The following SLC26A6 variants were observed in gnomAD, a reference collection of about 807,000 sequenced individuals.
The protein encoded by SLC26A6 is anion exchange transporter.
SLC26A6 carries 67 observed loss-of-function variants against 87.1 expected under a neutral mutation model. The observed-to-expected ratio is 0.77, with a 90% CI of 0.63 to 0.94. The LOEUF is 0.94. Among genes scored for constraint, SLC26A6 ranks in the 40% least tolerant of loss-of-function variants. The pLI, the probability that SLC26A6 is intolerant of heterozygous loss-of-function variation, is 0.00. For synonymous variants in SLC26A6, 414 were observed against 405.9 expected, an observed-to-expected ratio of 1.02 and a Z score of -0.24; for missense variants, 902 against 973.0, an observed-to-expected ratio of 0.93 and a Z score of 0.97.
In SLC26A6 at chr3:48,627,932, A is replaced by G. The variant is rs1370925690; in HGVS notation, c.1893+14T>C. ...GCTCACAGCTGTCACCTCCTTTCCC[A>G]CCTCCAGTCTCACCATCATCTTGCA... On this transcript the variant is annotated intron_variant, in intron 17 of 20. Transcript: ENST00000395550. 1.3e-6 allele frequency: 2 copies of G among 1,577,330 alleles called. No individual in the cohort carries two copies. The highest frequency in any genetic ancestry group is 2.4e-5 in the East Asian group (1 of 42,378).
rs2046700942 is a variant in SLC26A6, at chr3:48,628,878, A to C, written c.1600-164T>G. Among the ~76,000 whole-genome samples, 1 of 152,050 alleles carries C rather than the reference A, an allele frequency of 6.6e-6. No homozygotes were observed. The highest frequency in any genetic ancestry group is 2.4e-5 in the African/African-American group (1 of 41,390). On this transcript the variant is annotated intron_variant, in intron 14 of 20. Transcript: ENST00000395550. This position sits in a 1 kb window ranked among gnomAD's most constrained non-coding sequence, Gnocchi z 4.4. ...CCCAGGGGCTTAGGCCACAAGCCCGACGGTGTCATCCCCATCCCCCCACAG... is the reference window on the plus strand; with the variant it reads ...CCCAGGGGCTTAGGCCACAAGCCCGCCGGTGTCATCCCCATCCCCCCACAG...
In SLC26A6 at chr3:48,628,745, A is replaced by C. The variant is rs773717346; in HGVS notation, c.1600-31T>G. On this transcript the variant is annotated intron_variant, in intron 14 of 20. Transcript: ENST00000395550. The surrounding 1 kb of genome is among the most constrained non-coding windows in gnomAD (Gnocchi z 4.4). ...GATGAGGCAGAACTGGTGGTGGCTG[A>C]ATCTCCTCTCTCCTGGCTGCATCCT... The C allele has an allele frequency of 1.2e-6, 2 of 1,605,814 alleles. No homozygotes were observed.
rs1392537945 is a variant in SLC26A6, at chr3:48,631,254, T to A, written c.956A>T (p.Glu319Val). ...AGGGATGTTGCCCACGACATCTACCTCAAATCTGTGCTTTAGACCCATGCC... is the reference window on the plus strand; with the variant it reads ...AGGGATGTTGCCCACGACATCTACCACAAATCTGTGCTTTAGACCCATGCC... The part of the protein sequence containing the change: ...SYGMGLKHRF[E>V]VDVVGNIPAG... The change falls in exon 8 of 21, where the codon GAG becomes GTG. Residue 319 changes from glutamate to valine, a missense_variant. This residue lies in a region of SLC26A6 where 800 missense variants were observed against 856.8 expected (regional missense o/e 0.93). Coordinates refer to ENST00000395550, the MANE Select transcript of SLC26A6 (RefSeq NM_022911.3). 1 of 1,610,398 alleles carries A rather than the reference T, an allele frequency of 6.2e-7. No individual in the cohort carries two copies. The highest frequency in any genetic ancestry group is 1.3e-5 in the African/African-American group (1 of 74,966).
In SLC26A6 at chr3:48,635,453, C is replaced by T. The variant is rs1022826474; in HGVS notation, c.-60G>A. The T allele has an allele frequency of 2.6e-6, 4 of 1,546,898 alleles. No individual in the cohort carries two copies. Among genetic ancestry groups the T allele is most frequent in the Admixed American group, 3.9e-5 (2 of 51,614 alleles). On this transcript the variant is annotated 5_prime_UTR_variant, in exon 1 of 21. Transcript: ENST00000395550. ...TGCTCGAGCTAGAGGCCGCTACGCT[C>T]CGGAAGGCGGCGCCGGGACCGGGTG... is the stretch of plus-strand genomic sequence containing the variant.
Position 48,628,485 on chromosome 3 carries a change from C to G in SLC26A6, c.1749G>C (p.Gln583His). ...ISQKKKLLKK[Q>H]EQLKLKQLQK... ...GCAGTTGCTTCAGCTTCAGCTGCTCCTGCTTCTTGAGCAGTTTCTTCTTCT... is the reference window on the plus strand; with the variant it reads ...GCAGTTGCTTCAGCTTCAGCTGCTCGTGCTTCTTGAGCAGTTTCTTCTTCT... The change falls in exon 16 of 21, where the codon CAG becomes CAC. Residue 583 changes from glutamine to histidine, a missense_variant. By Grantham distance (24) the Gln-to-His change is conservative. This residue lies in a region of SLC26A6 where 800 missense variants were observed against 856.8 expected (regional missense o/e 0.93). Transcript: ENST00000395550. The surrounding 1 kb of genome is among the most constrained non-coding windows in gnomAD (Gnocchi z 4.4). 1.2e-6 allele frequency: 2 copies of G among 1,614,134 alleles called. No individual in the cohort carries two copies. The highest frequency in any genetic ancestry group is 3.3e-4 in the Middle Eastern group (2 of 6,058).
At chr3:48,632,518 G>A (rs2046834638) in intron 4 of SLC26A6, 122 bp from the exon 5 acceptor site, 1 of 1,354,738 alleles carries the variant, frequency 7.4e-7, no homozygotes, top group South Asian at 1.3e-5. Context: ...GATTATGGCT[G>A]CATGAACAGG....
chr3:48,629,646 G>A lies in SLC26A6; in HGVS notation c.1595C>T (p.Ser532Leu), dbSNP rs777702618. 2.2e-5 allele frequency: 36 copies of A among 1,611,540 alleles called. No individual in the cohort carries two copies. The African/African-American group carries it at 3.2e-4, about 14-fold the overall frequency. ...CACTCAGCCCCTGACACTCACCTCT[G>A]AGTACTCTGCCACATCTCTGTAAAT... The part of the protein sequence containing the change: ...TDIYRDVAEY[S>L]EAKEVRGVKV... Residue 532 changes from serine to leucine, a missense_variant, in exon 14 of 21, where the codon TCA (serine) becomes TTA (leucine). By Grantham distance (145) the Ser-to-Leu change is moderately radical. This residue lies in a region of SLC26A6 where 800 missense variants were observed against 856.8 expected (regional missense o/e 0.93). Transcript: ENST00000395550.
At position 48,631,958 on chromosome 3, in the gene SLC26A6, C is replaced by T; in HGVS notation, c.672G>A (p.Val224=). The change falls in exon 6 of 21, where the codon GTG becomes GTA. Residue 224 remains valine, a synonymous_variant. Transcript: ENST00000395550. ...LVRGYTTAAA[V]QVFVSQLKYV... Reference sequence around the variant, plus strand: ...ACTTGAGCTGTGAGACGAAGACCTGCACAGCTGCAGCTGTGGTATAGCCTC... The same window carrying T: ...ACTTGAGCTGTGAGACGAAGACCTGTACAGCTGCAGCTGTGGTATAGCCTC... 1 of 1,613,556 alleles carries T rather than the reference C, an allele frequency of 6.2e-7. No homozygotes were observed. Among genetic ancestry groups the T allele is most frequent in the Non-Finnish European group, 8.5e-7 (1 of 1,180,034 alleles).
intron 20 of SLC26A6, 26 bp downstream of exon 20, chr3:48,626,192 G>A (rs751166660): frequency 5.0e-6 from 8 of 1,613,784 alleles, no homozygotes; most frequent in East Asian, 2.2e-5. Context: ...ACAAAAAAGA[G>A]CTTGGCAGGC....
At position 48,628,517 on chromosome 3, in the gene SLC26A6, T is replaced by G. The variant is rs1428319586; in HGVS notation, c.1717A>C (p.Ile573Leu). ...QRCGVDVDFLISQKKKLLKKQ... is the reference protein window; with the variant it reads ...QRCGVDVDFLLSQKKKLLKKQ... Reference sequence around the variant, plus strand: ...TTGAGCAGTTTCTTCTTCTGGGAGATGAGGAAGTCGACATCCACACCACAC... The same window carrying G: ...TTGAGCAGTTTCTTCTTCTGGGAGAGGAGGAAGTCGACATCCACACCACAC... Residue 573 changes from isoleucine (I) to leucine (L), a missense_variant, in exon 16 of 21, where the codon ATC (isoleucine) becomes CTC (leucine). Transcript: ENST00000395550. This position sits in a 1 kb window ranked among gnomAD's most constrained non-coding sequence, Gnocchi z 4.4. 1 of 1,613,868 alleles carries G rather than the reference T, an allele frequency of 6.2e-7. No individual in the cohort carries two copies. The highest frequency in any genetic ancestry group is 1.1e-5 in the South Asian group (1 of 91,064).
Position 48,633,633 on chromosome 3 carries a change from G to C in SLC26A6, c.26C>G (p.Pro9Arg). 6.2e-7 allele frequency: 1 copy of C among 1,613,236 alleles called. No individual in the cohort carries two copies. Among genetic ancestry groups the C allele is most frequent in the East Asian group, 2.2e-5 (1 of 44,888 alleles). Reference protein sequence around the residue: MGLADASGPRDTQALLSAT... With the variant: MGLADASGRRDTQALLSAT... ...AGACAGCAGTGCCTGTGTGTCCCTCGGTCTGGGGTGGCAAGACCAGAGAGA... is the reference window on the plus strand; with the variant it reads ...AGACAGCAGTGCCTGTGTGTCCCTCCGTCTGGGGTGGCAAGACCAGAGAGA... The change falls in exon 2 of 21, where the codon CCG becomes CGG. Residue 9 changes from proline to arginine, a missense_variant and splice_region_variant. Transcript: ENST00000395550.
rs569358095 is a variant in SLC26A6, at chr3:48,635,235, C to T, written c.23+136G>A. On this transcript the variant is annotated intron_variant, in intron 1 of 20. Coordinates refer to ENST00000395550, the MANE Select transcript of SLC26A6 (RefSeq NM_022911.3). Reference sequence around the variant, plus strand: ...ACCCCTTGCTGCAGAGGGGCAGCCGCCTGCAGAAAATCAGCAGAGGTAAAC... The same window carrying T: ...ACCCCTTGCTGCAGAGGGGCAGCCGTCTGCAGAAAATCAGCAGAGGTAAAC... 131 of 1,228,030 alleles carry T rather than the reference C, an allele frequency of 1.1e-4. 2 individuals are homozygous for T. The South Asian group carries it at 1.7e-3, about 16-fold the overall frequency. 76.1% of individuals were successfully genotyped at this position (1,228,030 alleles called of 1,614,324 possible).
In SLC26A6 at chr3:48,629,698, C is replaced by T; in HGVS notation, c.1543G>A (p.Val515Ile). ...VVRTQMPHYS[V>I]LGQVPDTDIY... Reference sequence around the variant, plus strand: ...TCCGTGTCTGGCACCTGCCCCAGGACAGAGTAGTGGGGCCTGTGAAGGAGA... The same window carrying T: ...TCCGTGTCTGGCACCTGCCCCAGGATAGAGTAGTGGGGCCTGTGAAGGAGA... Residue 515 changes from valine (V) to isoleucine (I), a missense_variant, in exon 14 of 21, where the codon GTC (valine) becomes ATC (isoleucine). Physicochemically the swap from Val to Ile is conservative, Grantham distance 29. Transcript: ENST00000395550. 7 of 1,613,574 alleles carry T rather than the reference C, an allele frequency of 4.3e-6. No homozygotes were observed. The highest frequency in any genetic ancestry group is 4.2e-6 in the Non-Finnish European group (5 of 1,179,800).
At chr3:48,627,914 G>C in intron 17 of SLC26A6, 32 bp downstream of exon 17, 3 of 1,566,946 alleles carry the variant, frequency 1.9e-6, no homozygotes, top group Non-Finnish European at 2.6e-6. Context: ...GCAGCTCACA[G>C]CTGTCACCTC....
At position 48,632,259 on chromosome 3, in the gene SLC26A6, C is replaced by G. The variant is rs781023967; in HGVS notation, c.571G>C (p.Val191Leu). Reference protein sequence around the residue: ...VQVASTLSVLVGLFQVGLGLI... With the variant: ...VQVASTLSVLLGLFQVGLGLI... ...CTGTTCCACACCTGGAAGAGGCCAA[C>G]CAGGACACTGAGTGTGGAGGCCACC... The change falls in exon 5 of 21, where the codon GTT (valine) becomes CTT (leucine). Residue 191 changes from valine (V) to leucine (L), a missense_variant. By Grantham distance (32) the Val-to-Leu change is conservative (BLOSUM62 1). Coordinates refer to ENST00000395550, the MANE Select transcript of SLC26A6 (RefSeq NM_022911.3). 1.9e-6 allele frequency: 3 copies of G among 1,605,262 alleles called. No individual in the cohort carries two copies. The highest frequency in any genetic ancestry group is 2.6e-6 in the Non-Finnish European group (3 of 1,175,652).
chr3:48,631,250 T>G lies in SLC26A6; in HGVS notation c.960A>C (p.Val320=), dbSNP rs1027280766. The change falls in exon 8 of 21, where the codon GTA becomes GTC. Residue 320 remains valine (V), a synonymous_variant. Coordinates refer to ENST00000395550, the MANE Select transcript of SLC26A6 (RefSeq NM_022911.3). The part of the protein sequence containing the change: ...YGMGLKHRFE[V]DVVGNIPAGL... The stretch of plus-strand genomic sequence containing the variant: ...CTGCAGGGATGTTGCCCACGACATC[T>G]ACCTCAAATCTGTGCTTTAGACCCA... 1 of 1,610,628 alleles carries G rather than the reference T, an allele frequency of 6.2e-7. No individual in the cohort carries two copies. Among genetic ancestry groups the G allele is most frequent in the African/African-American group, 1.3e-5 (1 of 74,886 alleles).
chr3:48,630,152 G>A lies in SLC26A6; in HGVS notation c.1332C>T (p.Val444=). 1 of 1,607,444 alleles carries A rather than the reference G, an allele frequency of 6.2e-7. No homozygotes were observed. Residue 444 remains valine, a synonymous_variant, in exon 12 of 21, where the codon GTC becomes GTT. Coordinates refer to ENST00000395550, the MANE Select transcript of SLC26A6 (RefSeq NM_022911.3). ...GGTTCACAATGATGATGGCTGCCAG[G>A]ACCGCCTGGGGTGGGGACAGTGCCA... ...GELFHDLPKA[V]LAAIIIVNLK...
intron 4 of SLC26A6, 154 bp from the exon 5 acceptor site, chr3:48,632,550 T>G: frequency 9.1e-7 from 1 of 1,097,548 alleles, no homozygotes. Flanking sequence ...CGGTTCAGGT[T>G]TGGCCAGGCC....
At position 48,633,622 on chromosome 3, in the gene SLC26A6, G is replaced by A. The variant is rs2046875589; in HGVS notation, c.37C>T (p.Gln13Ter). The change falls in exon 2 of 21, where the codon CAG becomes TAG. Residue 13 changes from glutamine (Q) to a stop codon, truncating the protein, a stop_gained. Coordinates refer to ENST00000395550, the MANE Select transcript of SLC26A6 (RefSeq NM_022911.3). LOFTEE classifies it high-confidence loss of function. ...GCTTGTGTTGCAGACAGCAGTGCCTGTGTGTCCCTCGGTCTGGGGTGGCAA... is the reference window on the plus strand; with the variant it reads ...GCTTGTGTTGCAGACAGCAGTGCCTATGTGTCCCTCGGTCTGGGGTGGCAA... ...LADASGPRDT[Q>*]ALLSATQAMD... The A allele has an allele frequency of 6.2e-7, 1 of 1,613,514 alleles. No individual in the cohort carries two copies. The highest frequency in any genetic ancestry group is 1.1e-5 in the South Asian group (1 of 91,088).
Sources: gnomAD v4.1 joint callset for allele counts (sites outside exome capture counted in the v4.1 genomes callset) on GRCh38, gnomAD v4.1.1 for gene constraint, gnomAD v4.1.1 regional missense constraint, Gnocchi (gnomAD v3.1) non-coding constraint, MANE v1.5 for transcripts, NCBI Gene and HGNC (gene_info 2026-07-23, HGNC 2026-07-21) for gene names.